LRPPRC: variants seen among roughly 807,000 people sequenced by gnomAD.
LRPPRC encodes the protein leucine rich pentatricopeptide repeat containing, also known as leucine-rich PPR motif-containing protein, mitochondrial.
Under a neutral mutation model 180.3 loss-of-function variants are expected in LRPPRC, and 120 were observed. That is an observed-to-expected ratio of 0.67 (90% confidence interval 0.57 to 0.77). The LOEUF (loss-of-function observed/expected upper bound fraction) is 0.77, where lower values mean the gene tolerates loss of function less well. Among genes scored for constraint, LRPPRC ranks in the 30% least tolerant of loss-of-function variants. LRPPRC has a pLI of 0.00. For synonymous variants in LRPPRC, 723 were observed against 600.0 expected, an observed-to-expected ratio of 1.21 and a Z score of -3.00; for missense variants, 2,012 against 1,657.2, an observed-to-expected ratio of 1.21 and a Z score of -3.72.
At chr2:43,934,405 T>C (rs1672199372) in intron 24 of LRPPRC, 109 bp from the exon 25 acceptor site, 2 of 654,312 alleles carry the variant, frequency 3.1e-6, no homozygotes, top group Non-Finnish European at 2.7e-6. Flanking sequence ...TAAAAACAAA[T>C]ATTAAGAATA....
chr2:43,932,098 T>C, intron 25 of LRPPRC, among the ~76,000 whole-genome samples: 1 of 90,890 alleles, frequency 1.1e-5, no homozygotes. Context: ...TACTACAGCC[T>C]GGCTAACAAA....
chr2:43,905,605 A>G (rs982094191), intron 31 of LRPPRC, 87 bp downstream of exon 31: 2 of 930,500 alleles, frequency 2.1e-6, no homozygotes, highest in African/African-American at 3.2e-5. Context: ...TGCTAAATGG[A>G]CTCCTTTATC....
intron 1 of LRPPRC, among the ~76,000 whole-genome samples, chr2:43,986,193 C>T (rs538399486): frequency 2.0e-5 from 3 of 152,228 alleles, no homozygotes; most frequent in South Asian, 2.1e-4. Context: ...TACAATGGCG[C>T]GACCTCAGGT....
At chr2:43,920,608 T>A (rs1179915922) in intron 27 of LRPPRC, among the ~76,000 whole-genome samples, 1 of 152,172 alleles carries the variant, frequency 6.6e-6, no homozygotes, top group Admixed American at 6.5e-5. Context: ...ATTACGCTTT[T>A]TCTTCATTAA....
At chr2:43,903,013 A>G (rs1236341822) in intron 31 of LRPPRC, 1 of 152,206 alleles carries the variant, frequency 6.6e-6, no homozygotes, top group Non-Finnish European at 1.5e-5. Flanking sequence ...TGCCCAAGGT[A>G]AAATCATATT....
intron 14 of LRPPRC, among the ~76,000 whole-genome samples, chr2:43,951,552 T>C (rs1672902972): frequency 1.3e-5 from 2 of 152,196 alleles, no homozygotes. Context: ...GGTGGTTATG[T>C]TGTTTTATTT....
At chr2:43,958,006 T>C (rs1159870937) in intron 13 of LRPPRC, among the ~76,000 whole-genome samples, 2 of 152,252 alleles carry the variant, frequency 1.3e-5, no homozygotes, top group South Asian at 2.1e-4. Context: ...AATTGACTTA[T>C]ATTGATCTTT....
In LRPPRC at chr2:43,945,961, A is replaced by T; in HGVS notation, c.2210+152T>A. 10 of 744,768 alleles carry T rather than the reference A, an allele frequency of 1.3e-5. No individual in the cohort carries two copies. The South Asian group carries it at 1.6e-4, about 12-fold the overall frequency. The allele number at this position is 744,768 out of a possible 1,614,324, so 46.1% of individuals were successfully genotyped here. ...GAACATAAGCCACAATTAATTAAAG[A>T]GCCGTATAATACGAAATTTCAAAAA... On this transcript the variant is annotated intron_variant, in intron 21 of 37. Coordinates refer to ENST00000260665, the MANE Select transcript of LRPPRC (RefSeq NM_133259.4).
intron 11 of LRPPRC, 65 bp downstream of exon 11, chr2:43,973,542 T>C (rs1673910410): frequency 3.2e-6 from 3 of 949,300 alleles, no homozygotes; most frequent in Non-Finnish European, 5.2e-6. Flanking sequence ...TCCAATTAGA[T>C]GTGCGTGCAA....
At chr2:43,960,507 T>C in intron 13 of LRPPRC, 34 bp downstream of exon 13, 1 of 1,103,890 alleles carries the variant, frequency 9.1e-7, no homozygotes, top group South Asian at 1.2e-5. Context: ...GAAATAAACA[T>C]CTATCAAGTT....
intron 36 of LRPPRC, among the ~76,000 whole-genome samples, chr2:43,894,315 T>TA (rs1670603678): frequency 6.6e-6 from 1 of 152,224 alleles, no homozygotes; most frequent in Non-Finnish European, 1.5e-5. Flanking sequence ...TGTTCAGTGA[T>TA]ACTTTTTAAT....
At chr2:43,938,251 C>G (rs1378976537) in intron 23 of LRPPRC, among the ~76,000 whole-genome samples, 1 of 151,362 alleles carries the variant, frequency 6.6e-6, no homozygotes, top group African/African-American at 2.4e-5. Context: ...ATGCATAAAA[C>G]TACGTACACT....
intron 31 of LRPPRC, chr2:43,901,763 CA>C: frequency 2.0e-6 from 1 of 506,686 alleles, no homozygotes; most frequent in East Asian, 3.4e-5. Flanking sequence ...AGAGAAAATA[CA>C]AATGTTACCG....
At chr2:43,941,837 TAAAAAAAAAAA>T (rs35278650) in intron 23 of LRPPRC, among the ~76,000 whole-genome samples, 1 of 92,860 alleles carries the variant, frequency 1.1e-5, no homozygotes, top group African/African-American at 4.0e-5. Context: ...CAAAGTAGTC[TAAAAAAAAAAA>T]AAAAAAAAAA....
intron 36 of LRPPRC, among the ~76,000 whole-genome samples, chr2:43,891,552 G>A (rs953466357): frequency 1.3e-5 from 2 of 152,116 alleles, no homozygotes; most frequent in African/African-American, 2.4e-5. Context: ...TGTTACTATT[G>A]TAATTGGGGG....
At chr2:43,994,435 C>T (rs1202582146) in intron 1 of LRPPRC, among the ~76,000 whole-genome samples, 2 of 152,190 alleles carry the variant, frequency 1.3e-5, no homozygotes, top group Non-Finnish European at 2.9e-5. Flanking sequence ...AGGCATCAGG[C>T]CCTATACTAA....
chr2:43,937,388 T>C (rs1216684912), intron 23 of LRPPRC, among the ~76,000 whole-genome samples: 2 of 152,184 alleles, frequency 1.3e-5, no homozygotes, highest in Non-Finnish European at 2.9e-5. Context: ...TCAGTCCCTA[T>C]TATCTAATTC....
intron 25 of LRPPRC, among the ~76,000 whole-genome samples, chr2:43,930,979 A>G (rs1188159702): frequency 6.6e-6 from 1 of 152,194 alleles, no homozygotes; most frequent in African/African-American, 2.4e-5. Context: ...ATACAAATAA[A>G]GTATCACTTT....
Position 43,963,609 on chromosome 2 carries a change from G to A in LRPPRC, c.1467C>T (p.Asn489=). Residue 489 remains asparagine, a synonymous_variant, in exon 12 of 38, where the codon AAC becomes AAT. Transcript: ENST00000260665. ...TCACCTGCAAAATGGCTCGTGCTGA[G>A]TTTACACTATCAAAGCATGGAATCA... ...DYVIPCFDSV[N]SARAILQENG... 1 of 1,606,694 alleles carries A rather than the reference G, an allele frequency of 6.2e-7. No homozygotes were observed. Among genetic ancestry groups the A allele is most frequent in the Non-Finnish European group, 8.5e-7 (1 of 1,173,474 alleles).
Sources: allele counts gnomAD v4.1 joint callset (sites outside exome capture counted in the v4.1 genomes callset), GRCh38; gene constraint gnomAD v4.1.1; transcripts MANE v1.5; gene names NCBI Gene and HGNC (gene_info 2026-07-23, HGNC 2026-07-21).